The following SLC12A4 variants were observed in gnomAD, a reference collection of about 807,000 sequenced individuals.
SLC12A4 encodes the protein solute carrier family 12 member 4, also known as electroneutral potassium-chloride cotransporter 1.
SLC12A4 carries 84 observed loss-of-function variants against 119.2 expected under a neutral mutation model. That is an observed-to-expected ratio of 0.70 (90% CI 0.59 to 0.85). The LOEUF (loss-of-function observed/expected upper bound fraction) is 0.85. Ranked by LOEUF, SLC12A4 falls within the 40% of genes least tolerant of loss-of-function variation. The pLI, the probability that SLC12A4 is intolerant of heterozygous loss-of-function variation, is 0.00. For synonymous variants in SLC12A4, 599 were observed against 604.6 expected (o/e 0.99, Z 0.14); for missense variants, 1,298 against 1,476.3 (o/e 0.88, Z 1.98).
chr16:67,944,803 C>T lies in SLC12A4; in HGVS notation c.*37G>A. The T allele has an allele frequency of 6.2e-7, 1 of 1,608,576 alleles. No homozygotes were observed. Among genetic ancestry groups the T allele is most frequent in the Non-Finnish European group, 8.5e-7 (1 of 1,178,862 alleles). ...AGACCACAGCTTGTTATGTCCTGGC[C>T]AAGACCTCGACTCCAGGCCACAAGA... On this transcript the variant is annotated 3_prime_UTR_variant, in exon 24 of 24. Coordinates refer to ENST00000316341, the MANE Select transcript of SLC12A4 (RefSeq NM_005072.5). The surrounding 1 kb of genome is among the most constrained non-coding windows in gnomAD (Gnocchi z 6.6).
chr16:67,959,432 C>T (rs549563517), intron 3 of SLC12A4, among the ~76,000 whole-genome samples: 1 of 152,312 alleles, frequency 6.6e-6, no homozygotes, highest in South Asian at 2.1e-4. Flanking sequence ...AAGAGAACTC[C>T]ATGGCCATGA....
Position 67,943,713 on chromosome 16 carries a change from AC to A in SLC12A4, c.*1126del, listed in dbSNP as rs2058308213. 1 of 558,702 alleles carries A rather than the reference AC, an allele frequency of 1.8e-6. No homozygotes were observed. Among genetic ancestry groups the A allele is most frequent in the South Asian group, 2.4e-5 (1 of 41,196 alleles). 34.6% of individuals were successfully genotyped at this position (558,702 alleles called of 1,614,324 possible). A position where few individuals can be genotyped will look rare whatever the true frequency, so the allele number is the denominator to read the frequency against. On this transcript the variant is annotated 3_prime_UTR_variant, in exon 24 of 24. Transcript: ENST00000316341. This position sits in a 1 kb window ranked among gnomAD's most constrained non-coding sequence, Gnocchi z 4.6. ...ATGCCCCAGCCAAGACCTCAGGCAC[AC>A]CCCGTCCCCCACTCCGCCCCCCCTG...
chr16:67,960,728 A>G (rs2030518559), intron 3 of SLC12A4, among the ~76,000 whole-genome samples: 1 of 151,686 alleles, frequency 6.6e-6, no homozygotes, highest in South Asian at 2.1e-4. Flanking sequence ...AAAAATCCCC[A>G]GCCCTCAGCT....
At chr16:67,946,806 C>T (rs1179103225) in intron 17 of SLC12A4, 131 bp downstream of exon 17, 2 of 1,269,706 alleles carry the variant, frequency 1.6e-6, no homozygotes, top group East Asian at 4.7e-5. Context: ...CCCCCTTGTG[C>T]CAGCTCTCAG....
At position 67,944,072 on chromosome 16, in the gene SLC12A4, C is replaced by A; in HGVS notation, c.*768G>T. Reference sequence around the variant, plus strand: ...GCAGCAGCCCCAGCAGCAGCGTCACCCACTGCCATGGGGAGCCGGGCGGCC... The same window carrying A: ...GCAGCAGCCCCAGCAGCAGCGTCACACACTGCCATGGGGAGCCGGGCGGCC... On this transcript the variant is annotated 3_prime_UTR_variant, in exon 24 of 24. Coordinates refer to ENST00000316341, the MANE Select transcript of SLC12A4 (RefSeq NM_005072.5). This position sits in a 1 kb window ranked among gnomAD's most constrained non-coding sequence, Gnocchi z 6.6. 1 of 1,548,250 alleles carries A rather than the reference C, an allele frequency of 6.5e-7. No homozygotes were observed. The highest frequency in any genetic ancestry group is 8.7e-7 in the Non-Finnish European group (1 of 1,146,438).
At position 67,946,223 on chromosome 16, in the gene SLC12A4, A is replaced by T; in HGVS notation, c.2555T>A (p.Val852Glu). 1 of 1,613,950 alleles carries T rather than the reference A, an allele frequency of 6.2e-7. No individual in the cohort carries two copies. Among genetic ancestry groups the T allele is most frequent in the Non-Finnish European group, 8.5e-7 (1 of 1,180,032 alleles). Residue 852 changes from valine to glutamate, a missense_variant, in exon 19 of 24, where the codon GTG (valine) becomes GAG (glutamate). Val to Glu is a moderately radical substitution (Grantham distance 121). Transcript: ENST00000316341. ...AAGCATGAGCATGCCACCATCGTGC[A>T]CGATCCACCACACGTCTATGTGGCC... is the stretch of plus-strand genomic sequence containing the variant. Reference protein sequence around the residue: ...LEGHIDVWWIVHDGGMLMLLP... With the variant: ...LEGHIDVWWIEHDGGMLMLLP...
In SLC12A4 at chr16:67,951,635, G is replaced by T; in HGVS notation, c.1132+188C>A. The T allele has an allele frequency of 1.6e-6, 1 of 628,450 alleles. No homozygotes were observed. Among genetic ancestry groups the T allele is most frequent in the Non-Finnish European group, 2.8e-6 (1 of 362,084 alleles). The allele number at this position is 628,450 out of a possible 1,614,324, so 38.9% of individuals were successfully genotyped here. The stretch of plus-strand genomic sequence containing the variant: ...AGACAGGCTGCTGCAGGCCTTGGAC[G>T]CTGGCCAGACAGGCTCCACTCACTC... On this transcript the variant is annotated intron_variant, in intron 8 of 23. Transcript: ENST00000316341. This position sits in a 1 kb window ranked among gnomAD's most constrained non-coding sequence, Gnocchi z 5.2.
chr16:67,943,817 C>G lies in SLC12A4; in HGVS notation c.*1023G>C, dbSNP rs2058310117. The stretch of plus-strand genomic sequence containing the variant: ...AAGGGACAAGCTTTTGGCCCCTCCC[C>G]ACACCAGGGCAGGTACTTATGTCGG... On this transcript the variant is annotated 3_prime_UTR_variant, in exon 24 of 24. Coordinates refer to ENST00000316341, the MANE Select transcript of SLC12A4 (RefSeq NM_005072.5). The surrounding 1 kb of genome is among the most constrained non-coding windows in gnomAD (Gnocchi z 4.6). The G allele has an allele frequency of 1.2e-6, 1 of 867,306 alleles. No homozygotes were observed. Among genetic ancestry groups the G allele is most frequent in the Non-Finnish European group, 1.7e-6 (1 of 574,054 alleles). The allele number at this position is 867,306 out of a possible 1,614,324, so 53.7% of individuals were successfully genotyped here. A position where few individuals can be genotyped will look rare whatever the true frequency, so the allele number is the denominator to read the frequency against.
At position 67,945,588 on chromosome 16, in the gene SLC12A4, T is replaced by C. The variant is rs140531124; in HGVS notation, c.2848-35A>G. 9.7e-4 allele frequency: 1,554 copies of C among 1,598,524 alleles called. 19 individuals carry two copies. In the African/African-American group the frequency reaches 0.018, roughly 18 times the overall value. ...ATTGCAGGAGATAGCCTTGGTCCCATAGGAAAAGGGGGATGGGGCCTGTCT... is the reference window on the plus strand; with the variant it reads ...ATTGCAGGAGATAGCCTTGGTCCCACAGGAAAAGGGGGATGGGGCCTGTCT... On this transcript the variant is annotated intron_variant, in intron 21 of 23. Transcript: ENST00000316341.
Position 67,954,658 on chromosome 16 carries a change from G to A in SLC12A4, c.660C>T (p.Ala220=), listed in dbSNP as rs960371109. 2 of 1,614,198 alleles carry A rather than the reference G, an allele frequency of 1.2e-6. No individual in the cohort carries two copies. Among genetic ancestry groups the A allele is most frequent in the Admixed American group, 3.3e-5 (2 of 60,028 alleles). The change falls in exon 6 of 24, where the codon GCC becomes GCT. Residue 220 remains alanine, a synonymous_variant. Coordinates refer to ENST00000316341, the MANE Select transcript of SLC12A4 (RefSeq NM_005072.5). ...CCTGACTCACCAGCAAGATCTCGAT[G>A]GCCCCCAGGATGTACATGGCTGCTG... ...TFAAAMYILG[A]IEILLTYIAP...
At position 67,951,101 on chromosome 16, in the gene SLC12A4, T is replaced by C. The variant is rs376892670; in HGVS notation, c.1297+39A>G. The C allele has an allele frequency of 2.5e-5, 41 of 1,613,146 alleles. No individual in the cohort carries two copies. The African/African-American group carries it at 4.4e-4, about 17-fold the overall frequency. On this transcript the variant is annotated intron_variant, in intron 9 of 23. Transcript: ENST00000316341. This position sits in a 1 kb window ranked among gnomAD's most constrained non-coding sequence, Gnocchi z 5.2. ...AGACTCCCTCAGGGGCTCCCCGGGA[T>C]TGGGGACAGGGCTGGGTGGGTAGGC...
intron 17 of SLC12A4, 111 bp from the exon 18 acceptor site, chr16:67,946,744 G>C: frequency 7.4e-7 from 1 of 1,343,128 alleles, no homozygotes; most frequent in Non-Finnish European, 1.0e-6. Flanking sequence ...AGGGCCTGGG[G>C]GCAACAAGCT....
At chr16:67,955,383 G>T (rs1042518037) in intron 5 of SLC12A4, among the ~76,000 whole-genome samples, 26 of 152,200 alleles carry the variant, frequency 1.7e-4, no homozygotes, top group African/African-American at 6.3e-4. Context: ...CTGAGACAAT[G>T]TCTCTGGTGA....
In SLC12A4 at chr16:67,957,928, G is replaced by T; in HGVS notation, c.459C>A (p.Ala153=). ...AGCAGCAGATAAGCACGATGAGGAG[G>T]GCCTGTAGCACACCTGCTGTGCCCA... ...WMVGTAGVLQ[A]LLIVLICCCC... The change falls in exon 4 of 24, where the codon GCC becomes GCA. Residue 153 remains alanine, a synonymous_variant. Coordinates refer to ENST00000316341, the MANE Select transcript of SLC12A4 (RefSeq NM_005072.5). 1 of 1,614,204 alleles carries T rather than the reference G, an allele frequency of 6.2e-7. No homozygotes were observed. The highest frequency in any genetic ancestry group is 1.7e-5 in the Admixed American group (1 of 60,024).
At chr16:67,954,956 G>A (rs2030168256) in intron 5 of SLC12A4, among the ~76,000 whole-genome samples, 183 bp from the exon 6 acceptor site, 1 of 152,176 alleles carries the variant, frequency 6.6e-6, no homozygotes, top group African/African-American at 2.4e-5. Context: ...GCTGACATTC[G>A]ATCCTATCCC....
chr16:67,947,560 C>A (rs930859493), intron 15 of SLC12A4, 109 bp downstream of exon 15: 2 of 1,508,878 alleles, frequency 1.3e-6, no homozygotes, highest in Non-Finnish European at 1.8e-6. Flanking sequence ...AGTCCCCAGT[C>A]CTGGCACCCA....
Position 67,944,627 on chromosome 16 carries a change from C to A in SLC12A4, c.*213G>T. ...CTACTGGGGTGCTAGATAGTAAAGT[C>A]CCCAAACATCCCAGGGTCCCACAAG... On this transcript the variant is annotated 3_prime_UTR_variant, in exon 24 of 24. Coordinates refer to ENST00000316341, the MANE Select transcript of SLC12A4 (RefSeq NM_005072.5). The surrounding 1 kb of genome is among the most constrained non-coding windows in gnomAD (Gnocchi z 6.6). The A allele has an allele frequency of 7.1e-7, 1 of 1,413,606 alleles. No homozygotes were observed. Among genetic ancestry groups the A allele is most frequent in the South Asian group, 1.6e-5 (1 of 64,190 alleles). The allele number at this position is 1,413,606 out of a possible 1,614,324, so 87.6% of individuals were successfully genotyped here.
rs374066348 is a variant in SLC12A4 at position 67,957,208 on chromosome 16, C to T, written c.544+534G>A. On this transcript the variant is annotated intron_variant, in intron 5 of 23. Coordinates refer to ENST00000316341, the MANE Select transcript of SLC12A4 (RefSeq NM_005072.5). ...TTTTTGCGACGGAGTCTCGCTCTGT[C>T]GCCCAGGCTGGAGTGCAGTGGTGCA... Among the ~76,000 whole-genome samples the T allele has an allele frequency of 6.8e-5, 10 of 147,198 alleles. No homozygotes were observed. In the East Asian group the frequency reaches 7.9e-4, roughly 12 times the overall value.
At chr16:67,959,032 C>T (rs2030425648) in intron 3 of SLC12A4, among the ~76,000 whole-genome samples, 2 of 152,138 alleles carry the variant, frequency 1.3e-5, no homozygotes, top group South Asian at 4.1e-4. Context: ...CCTGCAGGTA[C>T]CCAAAAGGTG....
Sources: gnomAD v4.1 joint callset for allele counts (sites outside exome capture counted in the v4.1 genomes callset) on GRCh38, gnomAD v4.1.1 for gene constraint, Gnocchi (gnomAD v3.1) non-coding constraint, MANE v1.5 for transcripts, NCBI Gene and HGNC (gene_info 2026-07-23, HGNC 2026-07-21) for gene names.